NUAK1: variants seen among roughly 807,000 people sequenced by gnomAD.
NUAK1 encodes NUAK family SNF1-like kinase 1.
NUAK1 carries 26 observed loss-of-function variants against 56.9 expected under a neutral mutation model. The ratio of observed to expected loss-of-function variants is 0.46; its 90% CI spans 0.33 to 0.63. The LOEUF (loss-of-function observed/expected upper bound fraction) is 0.63. Among genes scored for constraint, NUAK1 ranks in the 30% least tolerant of loss-of-function variants. The pLI, the probability that NUAK1 is intolerant of heterozygous loss-of-function variation, is 0.02. For missense variants in NUAK1, 727 were observed against 876.1 expected (o/e 0.83, Z 2.15); for synonymous variants, 337 against 336.0 (o/e 1.00, Z -0.03).
intron 4 of NUAK1, among the ~76,000 whole-genome samples, chr12:106,076,213 G>A (rs753474627): frequency 5.0e-4 from 76 of 152,128 alleles, no homozygotes; most frequent in Admixed American, 2.2e-3. Flanking sequence ...CCTGCCCCTC[G>A]CTCTAAAAGT....
At chr12:106,100,444 T>TC (rs1195846865) in intron 2 of NUAK1, among the ~76,000 whole-genome samples, 2 of 152,150 alleles carry the variant, frequency 1.3e-5, no homozygotes, top group Admixed American at 1.3e-4. Flanking sequence ...GTGTTTAGTC[T>TC]CCGCTTCATT....
intron 2 of NUAK1, among the ~76,000 whole-genome samples, chr12:106,104,605 GTGATGC>G (rs1464962552): frequency 3.3e-5 from 5 of 152,188 alleles, no homozygotes; most frequent in Non-Finnish European, 2.9e-5. Context: ...ATAATCTCAA[GTGATGC>G]TCATGCCACT....
chr12:106,112,636 T>C (rs1205001020), intron 1 of NUAK1, among the ~76,000 whole-genome samples: 1 of 152,210 alleles, frequency 6.6e-6, no homozygotes, highest in Non-Finnish European at 1.5e-5. Context: ...ACGGGCCCCA[T>C]GGGAACCAAG....
At chr12:106,113,058 T>C (rs2032880545) in intron 1 of NUAK1, among the ~76,000 whole-genome samples, 1 of 152,206 alleles carries the variant, frequency 6.6e-6, no homozygotes, top group Non-Finnish European at 1.5e-5. Context: ...CTGGGCCAGC[T>C]CAGGAGGACC....
chr12:106,128,280 C>T (rs1375761425), intron 1 of NUAK1, among the ~76,000 whole-genome samples: 2 of 151,908 alleles, frequency 1.3e-5, no homozygotes, highest in South Asian at 2.1e-4. Context: ...TACTGGTGTG[C>T]GCCACTGTGC....
rs988961079 is a variant in NUAK1 at position 106,067,566 on chromosome 12, C to A, written c.1222G>T (p.Glu408Ter). ...AAGCCAGTGCTGTGAGAGCGATGCT[C>A]GCTGTTGCTTCGCTTCTTCAGGATC... The part of the protein sequence containing the change: ...KGILKKRSNS[E>*]HRSHSTGFIE... Residue 408 changes from glutamate to a stop codon, truncating the protein, a stop_gained, in exon 7 of 7, where the codon GAG becomes TAG. Coordinates refer to ENST00000261402, the MANE Select transcript of NUAK1 (RefSeq NM_014840.3). LOFTEE classifies it high-confidence loss of function. The surrounding 1 kb of genome is among the most constrained non-coding windows in gnomAD (Gnocchi z 6.0). The A allele has an allele frequency of 6.2e-7, 1 of 1,614,214 alleles. No homozygotes were observed. Among genetic ancestry groups the A allele is most frequent in the South Asian group, 1.1e-5 (1 of 91,080 alleles).
At chr12:106,115,707 C>G (rs1223454260) in intron 1 of NUAK1, among the ~76,000 whole-genome samples, 1 of 152,238 alleles carries the variant, frequency 6.6e-6, no homozygotes, top group Admixed American at 6.5e-5. Context: ...AAATGCACAG[C>G]CCCAAGAAAC....
At chr12:106,087,007 G>A in intron 2 of NUAK1, 122 bp from the exon 3 acceptor site, 1 of 1,280,922 alleles carries the variant, frequency 7.8e-7, no homozygotes, top group Non-Finnish European at 1.1e-6. Context: ...TGATGGGTCA[G>A]AACACAAATC....
intron 4 of NUAK1, among the ~76,000 whole-genome samples, chr12:106,073,841 G>GT (rs898320051): frequency 5.3e-5 from 8 of 151,882 alleles, no homozygotes; most frequent in African/African-American, 1.9e-4. Flanking sequence ...AGATGACACC[G>GT]TGAGTGTAAC....
At position 106,067,633 on chromosome 12, in the gene NUAK1, C is replaced by A; in HGVS notation, c.1155G>T (p.Val385=). 1 of 1,614,268 alleles carries A rather than the reference C, an allele frequency of 6.2e-7. No homozygotes were observed. Among genetic ancestry groups the A allele is most frequent in the South Asian group, 1.1e-5 (1 of 91,088 alleles). ...AACTCAACTTGGATGGGCTTTCAGGCACTGCATCCTGACCAGACTGAGCAA... is the reference window on the plus strand; with the variant it reads ...AACTCAACTTGGATGGGCTTTCAGGAACTGCATCCTGACCAGACTGAGCAA... ...NDFAQSGQDA[V]PESPSKLSSK... Residue 385 remains valine (V), a synonymous_variant, in exon 7 of 7, where the codon GTG becomes GTT. Coordinates refer to ENST00000261402, the MANE Select transcript of NUAK1 (RefSeq NM_014840.3). The surrounding 1 kb of genome is among the most constrained non-coding windows in gnomAD (Gnocchi z 6.0).
chr12:106,082,841 T>C (rs1041739218), intron 4 of NUAK1, among the ~76,000 whole-genome samples: 2 of 152,132 alleles, frequency 1.3e-5, no homozygotes, highest in Non-Finnish European at 2.9e-5. Flanking sequence ...CCTCCACTGA[T>C]AGCAGCAACA....
At chr12:106,069,487 G>C (rs1349950159) in intron 6 of NUAK1, among the ~76,000 whole-genome samples, 1 of 152,212 alleles carries the variant, frequency 6.6e-6, no homozygotes, top group Non-Finnish European at 1.5e-5. Context: ...GCCTTATGGA[G>C]AAGATAAGTG....
chr12:106,106,164 G>C lies in NUAK1; in HGVS notation c.361+241C>G, dbSNP rs568538868. 6 of 336,604 alleles carry C rather than the reference G, an allele frequency of 1.8e-5. No individual in the cohort carries two copies. The East Asian group carries it at 2.8e-4, about 16-fold the overall frequency. 20.9% of individuals were successfully genotyped at this position (336,604 alleles called of 1,614,324 possible). ...AGGTGGGTTGCTTAGCAACTGCCAAGGAATTAAGAAGACAGAATAAGGTAT... is the reference window on the plus strand; with the variant it reads ...AGGTGGGTTGCTTAGCAACTGCCAACGAATTAAGAAGACAGAATAAGGTAT... On this transcript the variant is annotated intron_variant, in intron 2 of 6. Transcript: ENST00000261402.
At chr12:106,134,736 G>A (rs2033113118) in intron 1 of NUAK1, among the ~76,000 whole-genome samples, 1 of 152,192 alleles carries the variant, frequency 6.6e-6, no homozygotes, top group Non-Finnish European at 1.5e-5. Context: ...GCCGAATTAT[G>A]ACACAGAGGC....
chr12:106,126,097 T>C (rs1160475059), intron 1 of NUAK1, among the ~76,000 whole-genome samples: 1 of 152,000 alleles, frequency 6.6e-6, no homozygotes, highest in Admixed American at 6.6e-5. Context: ...GTAATAAAAT[T>C]CTGAGAGATT....
intron 4 of NUAK1, among the ~76,000 whole-genome samples, chr12:106,074,208 T>C (rs2032438466): frequency 6.6e-6 from 1 of 152,068 alleles, no homozygotes; most frequent in African/African-American, 2.4e-5. Flanking sequence ...GCATTATATT[T>C]TGAAAAGCAC....
At position 106,064,294 on chromosome 12, in the gene NUAK1, T is replaced by G. The variant is rs1048583887; in HGVS notation, c.*2508A>C. ...CAACACCACACCTAGAATCAGAGGA[T>G]GTTGGCAGAGTGTCAGAGCTAAGCG... On this transcript the variant is annotated 3_prime_UTR_variant, in exon 7 of 7. Coordinates refer to ENST00000261402, the MANE Select transcript of NUAK1 (RefSeq NM_014840.3). 1 of 152,252 alleles carries G rather than the reference T, an allele frequency of 6.6e-6. No homozygotes were observed. Among genetic ancestry groups the G allele is most frequent in the Non-Finnish European group, 1.5e-5 (1 of 68,060 alleles). The allele number at this position is 152,252 out of a possible 1,614,324, so 9.4% of individuals were successfully genotyped here. A position where few individuals can be genotyped will look rare whatever the true frequency, so the allele number is the denominator to read the frequency against.
intron 1 of NUAK1, among the ~76,000 whole-genome samples, chr12:106,119,371 G>A (rs558312748): frequency 7.9e-5 from 12 of 152,270 alleles, no homozygotes; most frequent in East Asian, 1.9e-4. Flanking sequence ...CAGAAAACAC[G>A]ACTTCATGCT....
chr12:106,119,341 A>T (rs1242624932), intron 1 of NUAK1, among the ~76,000 whole-genome samples: 2 of 152,164 alleles, frequency 1.3e-5, no homozygotes, highest in Non-Finnish European at 2.9e-5. Flanking sequence ...ATTTACTCCA[A>T]GGTGGCTCAT....
Sources: gnomAD v4.1 joint callset for allele counts (sites outside exome capture counted in the v4.1 genomes callset) on GRCh38, gnomAD v4.1.1 for gene constraint, Gnocchi (gnomAD v3.1) non-coding constraint, MANE v1.5 for transcripts, NCBI Gene and HGNC (gene_info 2026-07-23, HGNC 2026-07-21) for gene names.